The following BRAF variants were observed in gnomAD, a reference collection of about 807,000 sequenced individuals.
BRAF encodes serine/threonine-protein kinase B-raf.
In BRAF, 16 loss-of-function variants were observed where a neutral mutation model predicts 104.6. That is an observed-to-expected ratio of 0.15 (90% CI 0.10 to 0.23). The LOEUF is 0.23. Ranked by LOEUF, BRAF falls within the 10% of genes least tolerant of loss-of-function variation. BRAF has a pLI of 1.00. For synonymous variants in BRAF, 310 were observed against 341.6 expected (o/e 0.91, Z 1.02); for missense variants, 541 against 937.3 (o/e 0.58, Z 5.52).
chr7:140,874,403 C>T lies in BRAF; in HGVS notation c.139-24191G>A, dbSNP rs186911662. On this transcript the variant is annotated intron_variant, in intron 1 of 19. Transcript: ENST00000644969. ...TTTCAGTAGAGACGGGGTTTCATCACGTTGGCCAGGATGGCCTCGATCTCC... is the reference window on the plus strand; with the variant it reads ...TTTCAGTAGAGACGGGGTTTCATCATGTTGGCCAGGATGGCCTCGATCTCC... Among the ~76,000 whole-genome samples, 486 of 151,674 alleles carry T rather than the reference C, an allele frequency of 3.2e-3. 6 individuals carry two copies. The highest frequency in any genetic ancestry group is 5.9e-3 in the Non-Finnish European group (400 of 67,860).
chr7:140,889,564 G>C (rs1813980224), intron 1 of BRAF, among the ~76,000 whole-genome samples: 1 of 152,006 alleles, frequency 6.6e-6, no homozygotes, highest in Non-Finnish European at 1.5e-5. Flanking sequence ...TAAAATAACA[G>C]AAGCTAACAG....
chr7:140,818,133 T>G lies in BRAF; in HGVS notation c.505-9138A>C, dbSNP rs191131827. Among the ~76,000 whole-genome samples the G allele has an allele frequency of 8.7e-4, 133 of 152,198 alleles. 3 individuals are homozygous for G. The highest frequency in any genetic ancestry group is 1.6e-4 in the Non-Finnish European group (11 of 67,992). ...CACATTTATCATAGTGACTGTCTTT[T>G]TGGGGACAAGATGGGACGATGGGTG... is the stretch of plus-strand genomic sequence containing the variant. On this transcript the variant is annotated intron_variant, in intron 3 of 19. Coordinates refer to ENST00000644969, the MANE Select transcript of BRAF (RefSeq NM_001374258.1).
rs1439652274 is a variant in BRAF at position 140,760,538 on chromosome 7, T to C, written c.1815-6305A>G. 4.6e-5 allele frequency among the ~76,000 whole-genome samples: 7 copies of C among 151,974 alleles called. 1 individual carries two copies. The highest frequency in any genetic ancestry group is 4.2e-4 in the South Asian group (2 of 4,812). On this transcript the variant is annotated intron_variant, in intron 14 of 19. Coordinates refer to ENST00000644969, the MANE Select transcript of BRAF (RefSeq NM_001374258.1). ...GGACAGTGAATACCAACAAGTCTTTTGAGAAGTTTTACTGTCGAAGGAAGA... is the reference window on the plus strand; with the variant it reads ...GGACAGTGAATACCAACAAGTCTTTCGAGAAGTTTTACTGTCGAAGGAAGA...
chr7:140,747,273 T>C (rs766066759), intron 17 of BRAF: 8 of 551,940 alleles, frequency 1.4e-5, no homozygotes, highest in South Asian at 3.9e-5. Context: ...TACCTCCTTC[T>C]TCTCCATTAA....
intron 1 of BRAF, among the ~76,000 whole-genome samples, chr7:140,911,613 G>A (rs1401711725): frequency 6.6e-6 from 1 of 152,144 alleles, no homozygotes; most frequent in Non-Finnish European, 1.5e-5. Context: ...GGATGGGGGA[G>A]GAAATCTGTA....
intron 1 of BRAF, among the ~76,000 whole-genome samples, chr7:140,875,598 G>A (rs1305728821): frequency 6.6e-6 from 1 of 152,138 alleles, no homozygotes; most frequent in African/African-American, 2.4e-5. Context: ...GGCTGGTCTC[G>A]AACTCCCGAC....
At chr7:140,893,609 A>G (rs1814526026) in intron 1 of BRAF, among the ~76,000 whole-genome samples, 1 of 152,112 alleles carries the variant, frequency 6.6e-6, no homozygotes. Flanking sequence ...CAAAGACAAC[A>G]AGGATGAGTA....
chr7:140,915,726 G>A (rs1350629549), intron 1 of BRAF, among the ~76,000 whole-genome samples: 1 of 151,744 alleles, frequency 6.6e-6, no homozygotes, highest in African/African-American at 2.4e-5. Context: ...ATGAGCCACC[G>A]TGACCAGCCT....
intron 1 of BRAF, among the ~76,000 whole-genome samples, chr7:140,889,831 G>A (rs1242666674): frequency 3.3e-5 from 5 of 152,182 alleles, no homozygotes; most frequent in African/African-American, 9.6e-5. Flanking sequence ...GAAAACAGAT[G>A]GTTGTACATT....
chr7:140,750,676 A>G (rs781256334), intron 16 of BRAF, among the ~76,000 whole-genome samples: 31 of 152,226 alleles, frequency 2.0e-4, no homozygotes, highest in Admixed American at 5.9e-4. Context: ...AATAAACCAC[A>G]TATAACTGTG....
At chr7:140,812,480 A>G (rs914134662) in intron 3 of BRAF, among the ~76,000 whole-genome samples, 4 of 152,064 alleles carry the variant, frequency 2.6e-5, no homozygotes, top group Admixed American at 2.6e-4. Context: ...TCCCTTAGGC[A>G]CTCCAGTAAT....
At chr7:140,807,697 T>C (rs1238721723) in intron 5 of BRAF, among the ~76,000 whole-genome samples, 2 of 152,176 alleles carry the variant, frequency 1.3e-5, no homozygotes, top group African/African-American at 4.8e-5. Context: ...TTTTCACTTT[T>C]TTTACTTGAC....
chr7:140,812,060 T>G (rs1030394230), intron 3 of BRAF, among the ~76,000 whole-genome samples: 2 of 152,178 alleles, frequency 1.3e-5, no homozygotes, highest in African/African-American at 4.8e-5. Context: ...ATAGAAATCT[T>G]TCTAAAGAAG....
chr7:140,846,587 A>G (rs1386319870), intron 2 of BRAF, among the ~76,000 whole-genome samples: 1 of 152,170 alleles, frequency 6.6e-6, no homozygotes, highest in Non-Finnish European at 1.5e-5. Context: ...AAATTTCTAG[A>G]AATGGATGGT....
chr7:140,806,501 C>T (rs1803672688), intron 5 of BRAF, among the ~76,000 whole-genome samples: 1 of 152,144 alleles, frequency 6.6e-6, no homozygotes, highest in African/African-American at 2.4e-5. Context: ...CTGCAGTTTG[C>T]TTTCACAATC....
chr7:140,731,000 C>A (rs1388693174), intron 19 of BRAF: 1 of 152,050 alleles, frequency 6.6e-6, no homozygotes, highest in African/African-American at 2.4e-5. Flanking sequence ...TTCGTCATGA[C>A]TTTCAAGCAG....
chr7:140,751,229 T>G (rs576362768), intron 16 of BRAF, among the ~76,000 whole-genome samples: 1 of 152,348 alleles, frequency 6.6e-6, no homozygotes, highest in African/African-American at 2.4e-5. Flanking sequence ...ACAAACTGTA[T>G]AAACTAAGGT....
intron 3 of BRAF, among the ~76,000 whole-genome samples, chr7:140,820,629 AT>A (rs1332056189): frequency 2.0e-5 from 3 of 152,140 alleles, no homozygotes; most frequent in Non-Finnish European, 4.4e-5. Flanking sequence ...CAATTAACAG[AT>A]TTTTACAATT....
intron 11 of BRAF, 77 bp downstream of exon 10, chr7:140,782,944 T>G (rs1022319057): frequency 1.3e-6 from 2 of 1,503,778 alleles, no homozygotes; most frequent in African/African-American, 1.4e-5. Flanking sequence ...ATAATATATC[T>G]AAAGGATAAT....
Sources: gnomAD v4.1 joint callset for allele counts (sites outside exome capture counted in the v4.1 genomes callset) on GRCh38, gnomAD v4.1.1 for gene constraint, MANE v1.5 for transcripts, NCBI Gene and HGNC (gene_info 2026-07-23, HGNC 2026-07-21) for gene names.